TCF7L1: variants seen among roughly 807,000 people sequenced by gnomAD.
TCF7L1 encodes transcription factor 7 like 1.
A neutral mutation model predicts 63.7 loss-of-function variants in TCF7L1; 18 were observed. That is an observed-to-expected ratio of 0.28 (90% CI 0.20 to 0.42). TCF7L1 has a LOEUF of 0.42. TCF7L1 is among the 10% of genes least tolerant of loss of function. The pLI is 1.00. For synonymous variants in TCF7L1, 355 were observed against 340.9 expected, an observed-to-expected ratio of 1.04 and a Z score of -0.46; for missense variants, 654 against 779.3, an observed-to-expected ratio of 0.84 and a Z score of 1.91.
At chr2:85,293,379 T>G (rs1230801500) in intron 4 of TCF7L1, among the ~76,000 whole-genome samples, 1 of 152,156 alleles carries the variant, frequency 6.6e-6, no homozygotes, top group Non-Finnish European at 1.5e-5. Context: ...CTCCCCCCAC[T>G]CTTTCTGTCT....
intron 3 of TCF7L1, among the ~76,000 whole-genome samples, chr2:85,149,289 GTGTGTATA>G (rs1677950284): frequency 7.0e-6 from 1 of 143,188 alleles, no homozygotes; most frequent in African/African-American, 2.8e-5. Flanking sequence ...GCATATATAT[GTGTGTATA>G]TGTGTATATA....
intron 11 of TCF7L1, among the ~76,000 whole-genome samples, chr2:85,308,443 T>TTCTGTTTCCCTCCCTTCCTTTCTCCC (rs1682184688): frequency 2.9e-4 from 9 of 31,570 alleles, no homozygotes; most frequent in African/African-American, 6.0e-4. Context: ...CTCCCTCCCT[T>TTCTGTTTCCCTCCCTTCCTTTCTCCC]TCTCTTTCCC....
At chr2:85,260,728 A>C (rs548904395) in intron 3 of TCF7L1, among the ~76,000 whole-genome samples, 4 of 152,236 alleles carry the variant, frequency 2.6e-5, no homozygotes, top group African/African-American at 9.6e-5. Flanking sequence ...GTGGCCATTT[A>C]ATGAACATAT....
intron 3 of TCF7L1, among the ~76,000 whole-genome samples, chr2:85,240,166 C>T (rs1680291455): frequency 1.3e-5 from 2 of 152,208 alleles, no homozygotes; most frequent in Admixed American, 6.5e-5. Context: ...GCTCCATAGC[C>T]ACATGTGGCA....
intron 3 of TCF7L1, among the ~76,000 whole-genome samples, chr2:85,161,947 G>A (rs1026302065): frequency 3.8e-4 from 58 of 152,266 alleles, no homozygotes; most frequent in Non-Finnish European, 6.5e-4. Flanking sequence ...AGGGTCTAGC[G>A]AGGCAGGCCC....
At chr2:85,252,882 A>C (rs1010754922) in intron 3 of TCF7L1, among the ~76,000 whole-genome samples, 2 of 152,202 alleles carry the variant, frequency 1.3e-5, no homozygotes, top group Non-Finnish European at 2.9e-5. Context: ...GCTCAAGGAA[A>C]CAGAATGGCT....
At chr2:85,161,050 T>A (rs1678273828) in intron 3 of TCF7L1, among the ~76,000 whole-genome samples, 1 of 152,180 alleles carries the variant, frequency 6.6e-6, no homozygotes, top group Admixed American at 6.5e-5. Context: ...CTTCTGGGAA[T>A]ACACCAGCAT....
intron 3 of TCF7L1, among the ~76,000 whole-genome samples, chr2:85,272,838 A>G (rs980901426): frequency 6.6e-6 from 1 of 152,364 alleles, no homozygotes; most frequent in East Asian, 1.9e-4. Flanking sequence ...CAATAAAAAA[A>G]TCACCCAAAA....
chr2:85,177,940 T>C (rs1678716878), intron 3 of TCF7L1, among the ~76,000 whole-genome samples: 1 of 152,142 alleles, frequency 6.6e-6, no homozygotes, highest in Non-Finnish European at 1.5e-5. Flanking sequence ...ACAGATATCA[T>C]GTAGCTGCAG....
At chr2:85,307,229 C>T (rs544574162) in intron 10 of TCF7L1, among the ~76,000 whole-genome samples, 59 of 152,280 alleles carry the variant, frequency 3.9e-4, no homozygotes, top group Non-Finnish European at 6.3e-4. Flanking sequence ...TCTAAGCTCC[C>T]GGAAACCAAG....
rs1251776985 is a variant in TCF7L1, at chr2:85,203,268, AC to A, written c.441+68819del. On this transcript the variant is annotated intron_variant, in intron 3 of 11. Transcript: ENST00000282111. ...GTATTATGTGTATCTTAACACCAGA[AC>A]ATGACCAGAACATTGCATGGCTCTG... 4.6e-5 allele frequency among the ~76,000 whole-genome samples: 7 copies of A among 152,300 alleles called. 1 individual carries two copies. The East Asian group carries it at 1.2e-3, about 25-fold the overall frequency.
chr2:85,161,527 G>A (rs1226535020), intron 3 of TCF7L1, among the ~76,000 whole-genome samples: 1 of 152,208 alleles, frequency 6.6e-6, no homozygotes, highest in African/African-American at 2.4e-5. Flanking sequence ...CTCCTGGGAT[G>A]GGGATGGCTG....
In TCF7L1 at chr2:85,304,364, G is replaced by A. The variant is rs200915774; in HGVS notation, c.845+26G>A. On this transcript the variant is annotated intron_variant, in intron 7 of 11. Coordinates refer to ENST00000282111, the MANE Select transcript of TCF7L1 (RefSeq NM_031283.3). ...GTGAGTCCCGGGGCTGGGGCTGTCC[G>A]CATGTTTGTCTTAGCAACCACGCCA... is the stretch of plus-strand genomic sequence containing the variant. 1.2e-5 allele frequency: 20 copies of A among 1,607,492 alleles called. No homozygotes were observed. In the East Asian group the frequency reaches 2.0e-4, roughly 16 times the overall value.
At chr2:85,218,553 G>A (rs948658256) in intron 3 of TCF7L1, among the ~76,000 whole-genome samples, 1 of 151,972 alleles carries the variant, frequency 6.6e-6, no homozygotes, top group East Asian at 1.9e-4. Flanking sequence ...ACCACGCCCA[G>A]CGTTATCTGA....
At chr2:85,299,860 A>AACATACACACACACACACACACACAC (rs1681928234) in intron 4 of TCF7L1, among the ~76,000 whole-genome samples, 4 of 92,706 alleles carry the variant, frequency 4.3e-5, no homozygotes, top group African/African-American at 4.4e-5. Flanking sequence ...CCTTGTCTCA[A>AACATACACACACACACACACACACAC]ACACACACAC....
Position 85,303,834 on chromosome 2 carries a change from G to A in TCF7L1, c.659-61G>A, listed in dbSNP as rs536158972. 32 of 1,313,730 alleles carry A rather than the reference G, an allele frequency of 2.4e-5. 1 individual carries two copies. Among genetic ancestry groups the A allele is most frequent in the Non-Finnish European group, 3.5e-5 (32 of 926,366 alleles). The allele number at this position is 1,313,730 out of a possible 1,614,324, so 81.4% of individuals were successfully genotyped here. ...ATAGGGCAGGATGCTCCCATTTGAT[G>A]TTCGTTAAGGTGCTCTGGCAGGGCG... is the stretch of plus-strand genomic sequence containing the variant. On this transcript the variant is annotated intron_variant, in intron 5 of 11. Coordinates refer to ENST00000282111, the MANE Select transcript of TCF7L1 (RefSeq NM_031283.3).
chr2:85,251,349 A>G (rs978791003), intron 3 of TCF7L1, among the ~76,000 whole-genome samples: 4 of 152,240 alleles, frequency 2.6e-5, no homozygotes, highest in Admixed American at 1.3e-4. Flanking sequence ...ACTCATTTCT[A>G]TGCACACAAA....
intron 4 of TCF7L1, among the ~76,000 whole-genome samples, chr2:85,295,775 CT>C (rs56373561): frequency 7.9e-4 from 80 of 100,878 alleles, no homozygotes; most frequent in South Asian, 3.5e-3. Flanking sequence ...GTAACATTTA[CT>C]TTTTTTTTTT....
At chr2:85,202,170 G>T (rs951666556) in intron 3 of TCF7L1, among the ~76,000 whole-genome samples, 2 of 151,926 alleles carry the variant, frequency 1.3e-5, no homozygotes. Flanking sequence ...CACCGTGTTG[G>T]CCAGGCTGGT....
Sources: gnomAD v4.1 joint callset for allele counts (sites outside exome capture counted in the v4.1 genomes callset) on GRCh38, gnomAD v4.1.1 for gene constraint, MANE v1.5 for transcripts, NCBI Gene and HGNC (gene_info 2026-07-23, HGNC 2026-07-21) for gene names.